The following GOLGB1 variants were observed in gnomAD, a reference collection of about 807,000 sequenced individuals.
GOLGB1 encodes golgin subfamily B member 1.
In GOLGB1, 174 loss-of-function variants were observed where a neutral mutation model predicts 336.9. That is an observed-to-expected ratio of 0.52 (90% CI 0.46 to 0.59). The LOEUF (loss-of-function observed/expected upper bound fraction) is 0.59. Among genes scored for constraint, GOLGB1 ranks in the 20% least tolerant of loss-of-function variants. The pLI, the probability that GOLGB1 is intolerant of heterozygous loss-of-function variation, is 0.00. For missense variants in GOLGB1, 3,331 were observed against 3,645.3 expected (o/e 0.91, Z 2.22); for synonymous variants, 1,208 against 1,289.2 (o/e 0.94, Z 1.35).
At chr3:121,675,077 C>A (rs1010787673) in intron 17 of GOLGB1, among the ~76,000 whole-genome samples, 1 of 151,172 alleles carries the variant, frequency 6.6e-6, no homozygotes, top group Non-Finnish European at 1.5e-5. Flanking sequence ...ACCTCATGAT[C>A]CACCCGCCTC....
At chr3:121,718,322 T>G (rs1944927127) in intron 8 of GOLGB1, 66 bp downstream of exon 8, 1 of 978,424 alleles carries the variant, frequency 1.0e-6, no homozygotes, top group Middle Eastern at 2.1e-4. Context: ...TTATATCTAC[T>G]GCCTGGCAAA....
rs199531800 is a variant in GOLGB1 at position 121,681,909 on chromosome 3, T to C, written c.8695-44A>G. 29 of 1,338,474 alleles carry C rather than the reference T, an allele frequency of 2.2e-5. No individual in the cohort carries two copies. In the African/African-American group the frequency reaches 3.6e-4, roughly 17 times the overall value. 82.9% of individuals were successfully genotyped at this position (1,338,474 alleles called of 1,614,324 possible). On this transcript the variant is annotated intron_variant, in intron 14 of 21. Coordinates refer to ENST00000614479, the MANE Select transcript of GOLGB1 (RefSeq NM_001366282.2). Reference sequence around the variant, plus strand: ...TAAAATGATTATTTGTCACATCTCATTCATCTAACTGTAAGTCATTGGTAG... The same window carrying C: ...TAAAATGATTATTTGTCACATCTCACTCATCTAACTGTAAGTCATTGGTAG...
chr3:121,745,056 T>C (rs1375310054), intron 1 of GOLGB1, among the ~76,000 whole-genome samples: 1 of 152,080 alleles, frequency 6.6e-6, no homozygotes. Context: ...GAAATGTAAA[T>C]GGAAGGGCAT....
In GOLGB1 at chr3:121,694,288, G is replaced by A; in HGVS notation, c.6235C>T (p.Gln2079Ter). The A allele has an allele frequency of 6.2e-7, 1 of 1,610,294 alleles. No homozygotes were observed. Among genetic ancestry groups the A allele is most frequent in the Non-Finnish European group, 8.5e-7 (1 of 1,179,880 alleles). The change falls in exon 13 of 22, where the codon CAA (glutamine) becomes TAA (stop). Residue 2079 changes from glutamine to a stop codon, truncating the protein, a stop_gained. Coordinates refer to ENST00000614479, the MANE Select transcript of GOLGB1 (RefSeq NM_001366282.2). LOFTEE classifies it high-confidence loss of function. ...AQAVEHRKKA[Q>*]AELASFKVLL... ...ACTTTGAAGCTAGCTAATTCTGCTT[G>A]TGCCTTTTTGCGGTGTTCAACTGCT...
In GOLGB1 at chr3:121,664,986, G is replaced by C. The variant is rs1199266677; in HGVS notation, c.9600C>G (p.Gly3200=). The stretch of plus-strand genomic sequence containing the variant: ...GTGCCTGCTCCTGAGTGCCACAGGA[G>C]CCAATGATAGGAGTCCGGGAAGAGT... The part of the protein sequence containing the change: ...EWDSSRTPII[G]SCGTQEQALL... The change falls in exon 21 of 22, where the codon GGC becomes GGG. Residue 3200 remains glycine (G), a synonymous_variant. Transcript: ENST00000614479. 1.2e-6 allele frequency: 2 copies of C among 1,611,906 alleles called. No homozygotes were observed. The highest frequency in any genetic ancestry group is 1.7e-6 in the Non-Finnish European group (2 of 1,177,942).
At chr3:121,718,699 C>G (rs1369785797) in intron 7 of GOLGB1, among the ~76,000 whole-genome samples, 198 bp from the exon 8 acceptor site, 1 of 152,082 alleles carries the variant, frequency 6.6e-6, no homozygotes, top group Non-Finnish European at 1.5e-5. Flanking sequence ...CTCCAGAGCA[C>G]CAACAACAAC....
At chr3:121,678,715 A>T (rs1037421579) in intron 15 of GOLGB1, among the ~76,000 whole-genome samples, 12 of 152,022 alleles carry the variant, frequency 7.9e-5, no homozygotes, top group Non-Finnish European at 1.8e-4. Context: ...TTACAGGCGC[A>T]CGCCACCATG....
At chr3:121,719,080 A>G (rs1944991038) in intron 7 of GOLGB1, among the ~76,000 whole-genome samples, 1 of 152,228 alleles carries the variant, frequency 6.6e-6, no homozygotes, top group South Asian at 2.1e-4. Context: ...TTTTCAATCT[A>G]ATTAAACAGA....
chr3:121,694,781 G>C lies in GOLGB1; in HGVS notation c.5742C>G (p.Thr1914=). Residue 1914 remains threonine, a synonymous_variant, in exon 13 of 22, where the codon ACC becomes ACG. Transcript: ENST00000614479. ...CTTCTTCTGCTGTCTCCTTTAGTTT[G>C]GTAACTCTGGAGAGTTCTTCTTGGA... ...QQIQEELSRV[T]KLKETAEEEK... is the part of the protein sequence containing the mutation. 2 of 1,612,646 alleles carry C rather than the reference G, an allele frequency of 1.2e-6. No individual in the cohort carries two copies. Among genetic ancestry groups the C allele is most frequent in the South Asian group, 1.1e-5 (1 of 91,052 alleles).
At chr3:121,703,408 C>T (rs1560256825) in intron 10 of GOLGB1, among the ~76,000 whole-genome samples, 1 of 152,242 alleles carries the variant, frequency 6.6e-6, no homozygotes, top group East Asian at 1.9e-4. Flanking sequence ...ATATTTCTGG[C>T]TTGAAGAATG....
intron 5 of GOLGB1, among the ~76,000 whole-genome samples, chr3:121,726,627 G>A (rs919434032): frequency 6.6e-6 from 1 of 151,064 alleles, no homozygotes; most frequent in African/African-American, 2.4e-5. Flanking sequence ...AAAAATAGAA[G>A]GCCTAAAGTG....
Position 121,667,506 on chromosome 3 carries a change from G to T in GOLGB1, c.9524C>A (p.Ala3175Asp). ...GATCTGCTCCTCGGCCACAGAGAGA[G>T]CATTCTCAGCAGCCACTCTTTGGTC... ...ERDQRVAAEN[A>D]LSVAEEQIRR... is the part of the protein sequence containing the mutation. The change falls in exon 20 of 22, where the codon GCT becomes GAT. Residue 3175 changes from alanine to aspartate, a missense_variant. Physicochemically the swap from Ala to Asp is moderately radical, Grantham distance 126 (BLOSUM62 -2). Transcript: ENST00000614479. 6.2e-7 allele frequency: 1 copy of T among 1,614,102 alleles called. No individual in the cohort carries two copies. The highest frequency in any genetic ancestry group is 8.5e-7 in the Non-Finnish European group (1 of 1,179,948).
chr3:121,691,218 C>G lies in GOLGB1; in HGVS notation c.8146G>C (p.Asp2716His). 1 of 1,613,982 alleles carries G rather than the reference C, an allele frequency of 6.2e-7. No individual in the cohort carries two copies. Among genetic ancestry groups the G allele is most frequent in the Non-Finnish European group, 8.5e-7 (1 of 1,180,002 alleles). Reference protein sequence around the residue: ...AEERVAELARDLVEMEQKLLM... With the variant: ...AEERVAELARHLVEMEQKLLM... ...AATTTCTGTTCCATCTCCACCAAAT[C>G]TCTTGCTAGCTCTGCCACTCTCTCT... Residue 2716 changes from aspartate (D) to histidine (H), a missense_variant, in exon 14 of 22, where the codon GAT (aspartate) becomes CAT (histidine). Coordinates refer to ENST00000614479, the MANE Select transcript of GOLGB1 (RefSeq NM_001366282.2).
rs763677090 is a variant in GOLGB1 at position 121,697,846 on chromosome 3, C to G, written c.2677G>C (p.Asp893His). The G allele has an allele frequency of 6.2e-7, 1 of 1,613,984 alleles. No homozygotes were observed. The change falls in exon 13 of 22, where the codon GAT becomes CAT. Residue 893 changes from aspartate to histidine, a missense_variant. Coordinates refer to ENST00000614479, the MANE Select transcript of GOLGB1 (RefSeq NM_001366282.2). ...MDQLLLEKKR[D>H]VETLQQTIEE... ...ATGGTTTGTTGGAGGGTTTCCACAT[C>G]TCTCTTTTTCTCTAGTAAGAGCTGA...
At chr3:121,666,348 G>A (rs1234705963) in intron 20 of GOLGB1, among the ~76,000 whole-genome samples, 2 of 152,172 alleles carry the variant, frequency 1.3e-5, no homozygotes, top group Non-Finnish European at 2.9e-5. Flanking sequence ...CACACATGCA[G>A]TCTCAGTTGG....
chr3:121,715,059 T>G (rs55964762), intron 9 of GOLGB1, 83 bp from the exon 10 acceptor site: 1 of 737,856 alleles, frequency 1.4e-6, no homozygotes, highest in African/African-American at 1.8e-5. Flanking sequence ...ATACACTGTA[T>G]GCTGTTTACT....
chr3:121,732,789 A>C (rs921878675), intron 1 of GOLGB1, among the ~76,000 whole-genome samples: 1 of 152,214 alleles, frequency 6.6e-6, no homozygotes, highest in Non-Finnish European at 1.5e-5. Flanking sequence ...ATGGTGAGAA[A>C]CTGAATGTTC....
intron 1 of GOLGB1, among the ~76,000 whole-genome samples, chr3:121,736,805 G>C (rs1030857362): frequency 6.6e-6 from 1 of 152,188 alleles, no homozygotes; most frequent in African/African-American, 2.4e-5. Flanking sequence ...TGGGTAGTCT[G>C]AGATGGGAGA....
chr3:121,698,049 T>C lies in GOLGB1; in HGVS notation c.2474A>G (p.Asp825Gly). ...CTCAGAAAACTGAAGCTGCACATCATCCAGTTCATTCTGTAAAACTTCAAT... is the reference window on the plus strand; with the variant it reads ...CTCAGAAAACTGAAGCTGCACATCACCCAGTTCATTCTGTAAAACTTCAAT... ...VKIEVLQNEL[D>G]DVQLQFSEQS... Residue 825 changes from aspartate (D) to glycine (G), a missense_variant, in exon 13 of 22, where the codon GAT becomes GGT. Transcript: ENST00000614479. The C allele has an allele frequency of 6.2e-7, 1 of 1,614,094 alleles. No homozygotes were observed. The highest frequency in any genetic ancestry group is 8.5e-7 in the Non-Finnish European group (1 of 1,179,942).
Sources: allele counts gnomAD v4.1 joint callset (sites outside exome capture counted in the v4.1 genomes callset), GRCh38; gene constraint gnomAD v4.1.1; transcripts MANE v1.5; gene names NCBI Gene and HGNC (gene_info 2026-07-23, HGNC 2026-07-21).